Variants in RUNX3 observed in about 807,000 individuals in gnomAD.
RUNX3 encodes RUNX family transcription factor 3.
Under a neutral mutation model 27.7 loss-of-function variants are expected in RUNX3, and 10 were observed. The ratio of observed to expected loss-of-function variants is 0.36; its 90% confidence interval spans 0.22 to 0.61. The LOEUF is 0.61. Among genes scored for constraint, RUNX3 ranks in the 20% least tolerant of loss-of-function variants. RUNX3 has a pLI of 0.72. For synonymous variants in RUNX3, 270 were observed against 269.2 expected, an observed-to-expected ratio of 1.00 and a Z score of -0.03; for missense variants, 469 against 629.5, an observed-to-expected ratio of 0.75 and a Z score of 2.73.
rs1640626994 is a variant in RUNX3, at chr1:24,904,659, G to A, written c.704-1993C>T. On this transcript the variant is annotated intron_variant, in intron 4 of 4. Coordinates refer to ENST00000308873, the MANE Select transcript of RUNX3 (RefSeq NM_004350.3). The surrounding 1 kb of genome is among the most constrained non-coding windows in gnomAD (Gnocchi z 5.7). ...TTCTCAAGACGAAGGAAACAAATGG[G>A]GACCGCAGGATACAACGGCAGGACT... Among the ~76,000 whole-genome samples, 1 of 152,174 alleles carries A rather than the reference G, an allele frequency of 6.6e-6. No homozygotes were observed. Among genetic ancestry groups the A allele is most frequent in the African/African-American group, 2.4e-5 (1 of 41,436 alleles).
At chr1:24,915,556 G>A (rs1571311291) in intron 3 of RUNX3, among the ~76,000 whole-genome samples, 2 of 152,342 alleles carry the variant, frequency 1.3e-5, no homozygotes, top group Non-Finnish European at 1.5e-5. Context: ...AAGGGGGAGA[G>A]GTGAGGAAGG....
Position 24,921,734 on chromosome 1 carries a change from T to G in RUNX3, c.440-2390A>C, listed in dbSNP as rs540556520. Reference sequence around the variant, plus strand: ...CCTGAGCCTCTGACCCTGCCAGCATTGTCCAGCACCTTCTTGGTTATGACG... The same window carrying G: ...CCTGAGCCTCTGACCCTGCCAGCATGGTCCAGCACCTTCTTGGTTATGACG... On this transcript the variant is annotated intron_variant, in intron 2 of 4. Transcript: ENST00000308873. Among the ~76,000 whole-genome samples, 12 of 152,242 alleles carry G rather than the reference T, an allele frequency of 7.9e-5. No homozygotes were observed. In the South Asian group the frequency reaches 2.1e-3, roughly 26 times the overall value.
chr1:24,953,379 AGAAAAGAAAAGAAAAGAAAAAT>A (rs1641822767), intron 2 of RUNX3, among the ~76,000 whole-genome samples: 1 of 114,708 alleles, frequency 8.7e-6, no homozygotes, highest in Non-Finnish European at 1.8e-5. Context: ...AAAAAAAAAA[AGAAAAGAAAAGAAAAGAAAAAT>A]GAAAAAAAAA....
chr1:24,909,514 GA>G (rs2124258751), intron 3 of RUNX3, among the ~76,000 whole-genome samples: 1 of 152,304 alleles, frequency 6.6e-6, no homozygotes, highest in South Asian at 2.1e-4. Flanking sequence ...CAGCCCCACA[GA>G]AATGACGGAG....
chr1:24,929,870 A>T lies in RUNX3; in HGVS notation c.-2T>A. On this transcript the variant is annotated 5_prime_UTR_variant, in exon 1 of 5. Coordinates refer to ENST00000308873, the MANE Select transcript of RUNX3 (RefSeq NM_004350.3). ...GCTTGGGTCTACGGGAATACGCATA[A>T]CAGCGGCCGTCAGGGCGCCGGGCAG... 1 of 1,291,436 alleles carries T rather than the reference A, an allele frequency of 7.7e-7. No homozygotes were observed. The highest frequency in any genetic ancestry group is 3.1e-5 in the East Asian group (1 of 31,956). 80.0% of individuals were successfully genotyped at this position (1,291,436 alleles called of 1,614,324 possible).
At chr1:24,914,511 G>A (rs1346028212) in intron 3 of RUNX3, among the ~76,000 whole-genome samples, 2 of 152,210 alleles carry the variant, frequency 1.3e-5, no homozygotes, top group East Asian at 1.9e-4. Flanking sequence ...AAGCCGGGTC[G>A]GTGGCTGGGC....
intron 4 of RUNX3, among the ~76,000 whole-genome samples, chr1:24,903,172 AGAGC>A (rs1209728207): frequency 1.3e-5 from 2 of 152,212 alleles, no homozygotes; most frequent in Admixed American, 1.3e-4. Flanking sequence ...AGGCAGAGAG[AGAGC>A]AAGACTGAGT....
Position 24,900,024 on chromosome 1 carries a change from T to A in RUNX3, c.*2098A>T, listed in dbSNP as rs1451310389. On this transcript the variant is annotated 3_prime_UTR_variant, in exon 5 of 5. Coordinates refer to ENST00000308873, the MANE Select transcript of RUNX3 (RefSeq NM_004350.3). ...CTCCAGGATCAGGAAGGGTTAGTAA[T>A]CTGGGATGAGACTACAAAGTGCTGG... is the stretch of plus-strand genomic sequence containing the variant. 6.6e-6 allele frequency: 1 copy of A among 152,194 alleles called. No individual in the cohort carries two copies. The highest frequency in any genetic ancestry group is 2.4e-5 in the African/African-American group (1 of 41,398). The allele number at this position is 152,194 out of a possible 1,614,324, so 9.4% of individuals were successfully genotyped here.
intron 2 of RUNX3, among the ~76,000 whole-genome samples, chr1:24,956,510 T>C (rs1261398720): frequency 6.6e-6 from 1 of 152,194 alleles, no homozygotes; most frequent in African/African-American, 2.4e-5. Context: ...CTGTAGGAGA[T>C]GTGGGGGCAC....
At chr1:24,911,163 G>A (rs553782957) in intron 3 of RUNX3, among the ~76,000 whole-genome samples, 21 of 152,364 alleles carry the variant, frequency 1.4e-4, no homozygotes, top group Admixed American at 1.4e-3. Flanking sequence ...CAGGCATGAA[G>A]CCTGCCGGGT....
At chr1:24,907,450 T>C in intron 3 of RUNX3, 33 bp from the exon 4 acceptor site, 1 of 1,592,470 alleles carries the variant, frequency 6.3e-7, no homozygotes, top group Non-Finnish European at 8.6e-7. Flanking sequence ...CAGCCGTTGC[T>C]TCCCCAGAGT....
At chr1:24,930,320 C>CG, upstream of RUNX3, 1 of 750,508 alleles carries the variant, frequency 1.3e-6, no homozygotes, top group Non-Finnish European at 1.6e-6. The surrounding 1 kb of genome is among the most constrained non-coding windows in gnomAD (Gnocchi z 4.1). Context: ...CCGGGGCCCG[C>CG]GGGGCGGGGC....
intron 2 of RUNX3, among the ~76,000 whole-genome samples, chr1:24,941,489 C>T (rs1418343235): frequency 6.6e-6 from 1 of 152,214 alleles, no homozygotes; most frequent in African/African-American, 2.4e-5. Context: ...CCCATTGTAA[C>T]AGTAGGACAA....
At position 24,926,650 on chromosome 1, in the gene RUNX3, T is replaced by C. The variant is rs181816122; in HGVS notation, c.439+924A>G. 2.0e-3 allele frequency among the ~76,000 whole-genome samples: 310 copies of C among 152,310 alleles called. 2 individuals are homozygous for C. The highest frequency in any genetic ancestry group is 3.2e-3 in the Non-Finnish European group (219 of 68,020). ...AGAACCTTGAGAAGGTCCTGTTTAT[T>C]GGTGATGAAAAGCACGGTTCTGCTT... On this transcript the variant is annotated intron_variant, in intron 2 of 4. Transcript: ENST00000308873.
intron 3 of RUNX3, among the ~76,000 whole-genome samples, chr1:24,915,526 A>G (rs1640873403): frequency 1.3e-5 from 2 of 152,210 alleles, no homozygotes; most frequent in Non-Finnish European, 2.9e-5. Context: ...GCTCGGGGTA[A>G]CCTTAAAGCC....
chr1:24,902,574 G>A lies in RUNX3; in HGVS notation c.796C>T (p.Pro266Ser), dbSNP rs1290214315. ...ATGGCCCCGGGATAATGCATCCTGGGGTCTGGGAAGCGGCTCTCCGTGAGG... is the reference window on the plus strand; with the variant it reads ...ATGGCCCCGGGATAATGCATCCTGGAGTCTGGGAAGCGGCTCTCCGTGAGG... ...PTLTESRFPD[P>S]RMHYPGAMSA... Residue 266 changes from proline to serine, a missense_variant, in exon 5 of 5, where the codon CCC becomes TCC. Physicochemically the swap from Pro to Ser is moderately conservative, Grantham distance 74. Transcript: ENST00000308873. The surrounding 1 kb of genome is among the most constrained non-coding windows in gnomAD (Gnocchi z 9.2). 7 of 1,572,636 alleles carry A rather than the reference G, an allele frequency of 4.5e-6. No individual in the cohort carries two copies. The highest frequency in any genetic ancestry group is 1.7e-4 in the Middle Eastern group (1 of 5,888).
At chr1:24,958,421 T>C (rs1642006180) in intron 2 of RUNX3, among the ~76,000 whole-genome samples, 1 of 152,216 alleles carries the variant, frequency 6.6e-6, no homozygotes, top group Admixed American at 6.5e-5. Flanking sequence ...CACACCTCTT[T>C]AGACCTCAGT....
chr1:24,964,441 C>T (rs747076996), intron 2 of RUNX3: 29 of 1,236,026 alleles, frequency 2.3e-5, no homozygotes, highest in Middle Eastern at 4.1e-4. Flanking sequence ...GCAGCCAGGG[C>T]GGTCAGTGGA....
Position 24,902,301 on chromosome 1 carries a change from G to T in RUNX3, c.1069C>A (p.Pro357Thr). The stretch of plus-strand genomic sequence containing the variant: ...GTGCAAGAGGCCAGCATGCGGGTAG[G>T]TGAGCGGTCGCCCCCACTGCTGCTG... ...AGSSSGGDRS[P>T]TRMLASCTSS... Residue 357 changes from proline (P) to threonine (T), a missense_variant, in exon 5 of 5, where the codon CCT becomes ACT. This residue lies in a region of RUNX3 where 279 missense variants were observed against 343.0 expected (regional missense o/e 0.81). Transcript: ENST00000308873. This position sits in a 1 kb window ranked among gnomAD's most constrained non-coding sequence, Gnocchi z 9.2. 1 of 1,604,480 alleles carries T rather than the reference G, an allele frequency of 6.2e-7. No homozygotes were observed. Among genetic ancestry groups the T allele is most frequent in the Non-Finnish European group, 8.5e-7 (1 of 1,177,226 alleles).
Sources: gnomAD v4.1 joint callset for allele counts (sites outside exome capture counted in the v4.1 genomes callset) on GRCh38, gnomAD v4.1.1 for gene constraint, gnomAD v4.1.1 regional missense constraint, Gnocchi (gnomAD v3.1) non-coding constraint, MANE v1.5 for transcripts, NCBI Gene and HGNC (gene_info 2026-07-23, HGNC 2026-07-21) for gene names.